Variants in NHERF1 observed in about 807,000 individuals in gnomAD.
The protein encoded by NHERF1 is Na(+)/H(+) exchange regulatory cofactor NHE-RF1.
the NHERF1 span, among the ~76,000 whole-genome samples, chr17:74,767,488 C>T: frequency 6.6e-6 from 1 of 152,218 alleles, no homozygotes. Flanking sequence ...AAAGCCTTCG[C>T]TCTGGGACAG....
At chr17:74,752,389 C>A in the NHERF1 span, among the ~76,000 whole-genome samples, 2 of 152,128 alleles carry the variant, frequency 1.3e-5, no homozygotes, top group Non-Finnish European at 2.9e-5. Context: ...GGTCCGAATT[C>A]CCCTCTAGCC....
At chr17:74,768,620 C>A in the NHERF1 span, 3 of 1,614,130 alleles carry the variant, frequency 1.9e-6, no homozygotes, top group African/African-American at 4.0e-5. Context: ...CGCAGATGGA[C>A]TGGAGCAAGA....
the NHERF1 span, chr17:74,767,070 T>A: frequency 3.3e-6 from 4 of 1,202,744 alleles, no homozygotes; most frequent in African/African-American, 1.5e-5. Flanking sequence ...GCCATCTGAC[T>A]AAGGCCAAAA....
At chr17:74,766,008 A>G in the NHERF1 span, among the ~76,000 whole-genome samples, 2 of 152,158 alleles carry the variant, frequency 1.3e-5, no homozygotes, top group African/African-American at 2.4e-5. Flanking sequence ...AGGAATCTGT[A>G]CTTTAACAAG....
the NHERF1 span, among the ~76,000 whole-genome samples, chr17:74,763,932 C>T: frequency 1.4e-4 from 21 of 152,308 alleles, no homozygotes; most frequent in Non-Finnish European, 2.5e-4. Context: ...AGTCCAGTGA[C>T]GGGGGCCGGT....
At chr17:74,756,487 C>T in the NHERF1 span, among the ~76,000 whole-genome samples, 2 of 151,882 alleles carry the variant, frequency 1.3e-5, no homozygotes, top group African/African-American at 4.8e-5. Flanking sequence ...CCATGTTGGC[C>T]ATGCTGGTCT....
At chr17:74,768,277 A>G in the NHERF1 span, 1 of 1,495,748 alleles carries the variant, frequency 6.7e-7, no homozygotes, top group East Asian at 2.3e-5. Flanking sequence ...GGTTACAGGA[A>G]GCCGATTCCC....
chr17:74,767,820 C>G, the NHERF1 span, among the ~76,000 whole-genome samples: 1 of 152,198 alleles, frequency 6.6e-6, no homozygotes, highest in African/African-American at 2.4e-5. Flanking sequence ...AAGCCCCTCC[C>G]TGGTCACTGG....
At chr17:74,762,330 A>C in the NHERF1 span, among the ~76,000 whole-genome samples, 1 of 151,884 alleles carries the variant, frequency 6.6e-6, no homozygotes. The surrounding 1 kb of genome is among the most constrained non-coding windows in gnomAD (Gnocchi z 4.2). Flanking sequence ...GAGGGAGGGA[A>C]GGGTGGTGGA....
At chr17:74,762,214 C>A in the NHERF1 span, 1 of 1,607,384 alleles carries the variant, frequency 6.2e-7, no homozygotes, top group South Asian at 1.1e-5. The surrounding 1 kb of genome is among the most constrained non-coding windows in gnomAD (Gnocchi z 4.2). Context: ...TGCCCCCACC[C>A]CCTGCAGATC....
the NHERF1 span, among the ~76,000 whole-genome samples, chr17:74,760,649 G>GCACA: frequency 1.3e-5 from 2 of 152,062 alleles, no homozygotes; most frequent in African/African-American, 4.8e-5. The surrounding 1 kb of genome is among the most constrained non-coding windows in gnomAD (Gnocchi z 4.5). Context: ...GAGCAGCCTG[G>GCACA]CACACACACC....
At chr17:74,756,273 C>T in the NHERF1 span, among the ~76,000 whole-genome samples, 9 of 72,016 alleles carry the variant, frequency 1.2e-4, no homozygotes, top group African/African-American at 3.4e-4. Context: ...TTCTTTCTTT[C>T]TTTTTTTTTT....
chr17:74,758,445 C>G, the NHERF1 span, among the ~76,000 whole-genome samples: 1 of 152,192 alleles, frequency 6.6e-6, no homozygotes, highest in East Asian at 1.9e-4. The surrounding 1 kb of genome is among the most constrained non-coding windows in gnomAD (Gnocchi z 4.3). Flanking sequence ...AGCCCTGGGT[C>G]ACCCCGGCCC....
chr17:74,761,109 T>G, the NHERF1 span, among the ~76,000 whole-genome samples: 6 of 152,346 alleles, frequency 3.9e-5, no homozygotes, highest in Non-Finnish European at 5.9e-5. The surrounding 1 kb of genome is among the most constrained non-coding windows in gnomAD (Gnocchi z 4.3). Flanking sequence ...CTGCTTACTT[T>G]GGACCAAGCA....
the NHERF1 span, among the ~76,000 whole-genome samples, chr17:74,765,764 C>T: frequency 6.6e-6 from 1 of 151,990 alleles, no homozygotes; most frequent in African/African-American, 2.4e-5. Flanking sequence ...GTTGGCCAGG[C>T]TGGTCTTGAA....
chr17:74,764,759 C>G, the NHERF1 span, among the ~76,000 whole-genome samples: 1 of 152,200 alleles, frequency 6.6e-6, no homozygotes, highest in East Asian at 1.9e-4. The surrounding 1 kb of genome is among the most constrained non-coding windows in gnomAD (Gnocchi z 4.9). Context: ...CAGTCCCCTC[C>G]CCGCAGTCCC....
the NHERF1 span, among the ~76,000 whole-genome samples, chr17:74,752,773 T>A: frequency 6.6e-6 from 1 of 152,234 alleles, no homozygotes; most frequent in Non-Finnish European, 1.5e-5. Context: ...TGTCCTTACA[T>A]CTTTTATCGC....
chr17:74,765,842 G>A, the NHERF1 span, among the ~76,000 whole-genome samples: 6 of 152,012 alleles, frequency 3.9e-5, no homozygotes, highest in African/African-American at 1.2e-4. Flanking sequence ...ATGAGCCACC[G>A]AGCCCAGACT....
chr17:74,750,273 T>C, the NHERF1 span, among the ~76,000 whole-genome samples: 14 of 152,140 alleles, frequency 9.2e-5, no homozygotes, highest in South Asian at 6.2e-4. Flanking sequence ...AAATAGGAGT[T>C]GTGCTGAGCC....
Sources: gnomAD v4.1 joint callset for allele counts (sites outside exome capture counted in the v4.1 genomes callset) on GRCh38, gnomAD v4.1.1 for gene constraint, Gnocchi (gnomAD v3.1) non-coding constraint, MANE v1.5 for transcripts, NCBI Gene and HGNC (gene_info 2026-07-23, HGNC 2026-07-21) for gene names.